The following CACNA1G variants were observed in gnomAD, a reference collection of about 807,000 sequenced individuals.
CACNA1G encodes calcium voltage-gated channel subunit alpha1 G.
A neutral mutation model predicts 219.4 loss-of-function variants in CACNA1G; 67 were observed. The observed-to-expected ratio is 0.31, with a 90% CI of 0.25 to 0.37. The LOEUF (loss-of-function observed/expected upper bound fraction) is 0.37. Among genes scored for constraint, CACNA1G ranks in the 10% least tolerant of loss-of-function variants. CACNA1G has a pLI of 1.00. For synonymous variants in CACNA1G, 1,296 were observed against 1,345.3 expected, an observed-to-expected ratio of 0.96 and a Z score of 0.80; for missense variants, 2,380 against 3,231.4, an observed-to-expected ratio of 0.74 and a Z score of 6.39.
rs537568141 is a variant in CACNA1G, at chr17:50,578,918, C to T, written c.2301+354C>T. On this transcript the variant is annotated intron_variant, in intron 9 of 37. Coordinates refer to ENST00000359106, the MANE Select transcript of CACNA1G (RefSeq NM_018896.5). This position sits in a 1 kb window ranked among gnomAD's most constrained non-coding sequence, Gnocchi z 4.5. ...TTGGGTCTTTGGAGAAGGTGTAGTG[C>T]GGAGGGCGGGTGTTGGAGGTCCTGT... Among the ~76,000 whole-genome samples the T allele has an allele frequency of 5.9e-5, 9 of 151,994 alleles. No individual in the cohort carries two copies. The highest frequency in any genetic ancestry group is 3.9e-4 in the Admixed American group (6 of 15,262).
Position 50,624,047 on chromosome 17 carries a change from G to A in CACNA1G, c.6201G>A (p.Arg2067=). 1 of 1,612,840 alleles carries A rather than the reference G, an allele frequency of 6.2e-7. No homozygotes were observed. Among genetic ancestry groups the A allele is most frequent in the Non-Finnish European group, 8.5e-7 (1 of 1,179,700 alleles). ...GSTAEGPLGH[R]GWGLPKAQSG... is the part of the protein sequence containing the mutation. Reference sequence around the variant, plus strand: ...CTGCCGAGGGGCCCCTGGGACACAGGGGCTGGGGGCTCCCCAAAGCTCAGT... The same window carrying A: ...CTGCCGAGGGGCCCCTGGGACACAGAGGCTGGGGGCTCCCCAAAGCTCAGT... The change falls in exon 36 of 38, where the codon AGG becomes AGA. Residue 2067 remains arginine (R), a synonymous_variant. Transcript: ENST00000359106.
At chr17:50,590,779 C>G (rs549574805) in intron 10 of CACNA1G, among the ~76,000 whole-genome samples, 157 bp downstream of exon 10, 2 of 152,156 alleles carry the variant, frequency 1.3e-5, no homozygotes, top group African/African-American at 4.8e-5. Flanking sequence ...GTGGGGGGCT[C>G]TCTGTGTCCC....
At chr17:50,577,081 G>C (rs984870699) in intron 8 of CACNA1G, among the ~76,000 whole-genome samples, 1 of 152,236 alleles carries the variant, frequency 6.6e-6, no homozygotes, top group Admixed American at 6.5e-5. Context: ...ACGTGGGAAT[G>C]TGGGCTGGGA....
In CACNA1G at chr17:50,603,660, A is replaced by G. The variant is rs944037767; in HGVS notation, c.4169+461A>G. Among the ~76,000 whole-genome samples the G allele has an allele frequency of 6.8e-6, 1 of 146,724 alleles. No homozygotes were observed. Among genetic ancestry groups the G allele is most frequent in the Non-Finnish European group, 1.5e-5 (1 of 67,178 alleles). ...CCGGTGACATTTCTCCTGACCAGGG[A>G]TCCACCCTCTCAGGAATCCCTTTCC... On this transcript the variant is annotated intron_variant, in intron 21 of 37. Transcript: ENST00000359106. The surrounding 1 kb of genome is among the most constrained non-coding windows in gnomAD (Gnocchi z 6.4).
chr17:50,574,335 C>G (rs2040127762), intron 7 of CACNA1G, among the ~76,000 whole-genome samples: 1 of 152,230 alleles, frequency 6.6e-6, no homozygotes, highest in African/African-American at 2.4e-5. Context: ...GGACTAGCTC[C>G]AGAGAGAGAT....
intron 23 of CACNA1G, 27 bp from the exon 24 acceptor site, chr17:50,606,873 A>C (rs1485556303): frequency 3.2e-6 from 5 of 1,567,390 alleles, no homozygotes; most frequent in Non-Finnish European, 4.4e-6. Flanking sequence ...TAGACTTCAA[A>C]TGTCTCCTTC....
chr17:50,582,580 A>G lies in CACNA1G; in HGVS notation c.2301+4016A>G, dbSNP rs1177970409. Reference sequence around the variant, plus strand: ...AGCAGGCTGTCGGAGCTCAGAAAAGAAGTTGCCTTCTCTTCTGTGTCCTGC... The same window carrying G: ...AGCAGGCTGTCGGAGCTCAGAAAAGGAGTTGCCTTCTCTTCTGTGTCCTGC... On this transcript the variant is annotated intron_variant, in intron 9 of 37. Transcript: ENST00000359106. Among the ~76,000 whole-genome samples the G allele has an allele frequency of 2.0e-5, 3 of 152,082 alleles. No homozygotes were observed. The East Asian group carries it at 5.8e-4, about 29-fold the overall frequency.
Position 50,618,969 on chromosome 17 carries a change from C to T in CACNA1G, c.5742C>T (p.His1914=), listed in dbSNP as rs200604758. 54 of 1,552,536 alleles carry T rather than the reference C, an allele frequency of 3.5e-5. No individual in the cohort carries two copies. Among genetic ancestry groups the T allele is most frequent in the Middle Eastern group, 3.6e-4 (2 of 5,526 alleles). Residue 1914 remains histidine (H), a synonymous_variant, in exon 33 of 38, where the codon CAC becomes CAT. Coordinates refer to ENST00000359106, the MANE Select transcript of CACNA1G (RefSeq NM_018896.5). This position sits in a 1 kb window ranked among gnomAD's most constrained non-coding sequence, Gnocchi z 5.3. The part of the protein sequence containing the change: ...PKPGALHPAA[H]ARSASHFSLE... ...CTGGGGCTCTGCACCCAGCGGCCCA[C>T]GCGAGATCAGCCTCCCACTTTTCCC...
chr17:50,584,364 G>A (rs1001632929), intron 9 of CACNA1G, among the ~76,000 whole-genome samples: 1 of 152,020 alleles, frequency 6.6e-6, no homozygotes, highest in African/African-American at 2.4e-5. Context: ...AAGGGGAAGA[G>A]GTGGTTGCTC....
intron 36 of CACNA1G, 29 bp downstream of exon 36, chr17:50,624,104 C>A (rs778304523): frequency 6.2e-7 from 1 of 1,600,758 alleles, no homozygotes; most frequent in South Asian, 1.1e-5. Flanking sequence ...GCCAATTTGG[C>A]TCACACAGGG....
chr17:50,622,263 T>C (rs1262397891), intron 35 of CACNA1G, among the ~76,000 whole-genome samples: 2 of 148,522 alleles, frequency 1.3e-5, no homozygotes, highest in East Asian at 2.1e-4. Flanking sequence ...GCCATGCCCT[T>C]CTTCACTTGG....
intron 26 of CACNA1G, among the ~76,000 whole-genome samples, chr17:50,614,016 G>A (rs1468831557): frequency 6.6e-6 from 1 of 152,244 alleles, no homozygotes; most frequent in Admixed American, 6.5e-5. Context: ...GCCGGGGACT[G>A]TCTGCTCCGT....
Position 50,626,704 on chromosome 17 carries a change from C to T in CACNA1G, c.7087C>T (p.Leu2363=), listed in dbSNP as rs768040047. 3 of 1,613,154 alleles carry T rather than the reference C, an allele frequency of 1.9e-6. No individual in the cohort carries two copies. The highest frequency in any genetic ancestry group is 1.6e-4 in the Middle Eastern group (1 of 6,084). The change falls in exon 38 of 38, where the codon CTG becomes TTG. Residue 2363 remains leucine, a synonymous_variant. Transcript: ENST00000359106. This position sits in a 1 kb window ranked among gnomAD's most constrained non-coding sequence, Gnocchi z 4.3. ...CTCGCCCTCCCCAAAGAAAGATGTGCTGAGTCTCTCCGGTTTATCCTCTGA... is the reference window on the plus strand; with the variant it reads ...CTCGCCCTCCCCAAAGAAAGATGTGTTGAGTCTCTCCGGTTTATCCTCTGA... ...AASPSPKKDV[L]SLSGLSSDPA... is the part of the protein sequence containing the mutation.
chr17:50,570,635 C>T (rs936810285), intron 4 of CACNA1G, among the ~76,000 whole-genome samples: 25 of 147,528 alleles, frequency 1.7e-4, no homozygotes, highest in Non-Finnish European at 3.1e-4. Context: ...AATGTGTCCT[C>T]TGGGGCTCGG....
At chr17:50,595,241 C>T (rs1018910644) in intron 14 of CACNA1G, among the ~76,000 whole-genome samples, 180 bp downstream of exon 14, 6 of 152,206 alleles carry the variant, frequency 3.9e-5, no homozygotes, top group South Asian at 2.1e-4. Context: ...CTTGAGGACA[C>T]GGAAGGGAGG....
Position 50,603,086 on chromosome 17 carries a change from G to A in CACNA1G, c.4056G>A (p.Leu1352=), listed in dbSNP as rs774744129. 21 of 1,613,630 alleles carry A rather than the reference G, an allele frequency of 1.3e-5. No individual in the cohort carries two copies. Among genetic ancestry groups the A allele is most frequent in the East Asian group, 8.9e-5 (4 of 44,864 alleles). The stretch of plus-strand genomic sequence containing the variant: ...GCAGTTGGAACGTGCTGGACGGGCT[G>A]TTGGTGCTCATCTCCGTCATCGACA... ...LRSSWNVLDG[L]LVLISVIDIL... The change falls in exon 21 of 38, where the codon CTG becomes CTA. Residue 1352 remains leucine, a synonymous_variant. Coordinates refer to ENST00000359106, the MANE Select transcript of CACNA1G (RefSeq NM_018896.5). The surrounding 1 kb of genome is among the most constrained non-coding windows in gnomAD (Gnocchi z 6.4).
At chr17:50,588,765 A>T (rs1366862163) in intron 9 of CACNA1G, among the ~76,000 whole-genome samples, 1 of 152,058 alleles carries the variant, frequency 6.6e-6, no homozygotes, top group Non-Finnish European at 1.5e-5. Context: ...GCTGGCCCTG[A>T]CTCTGCCCCC....
chr17:50,576,197 C>A lies in CACNA1G; in HGVS notation c.1795C>A (p.Pro599Thr), dbSNP rs201894362. The A allele has an allele frequency of 1.9e-6, 3 of 1,609,736 alleles. No individual in the cohort carries two copies. Among genetic ancestry groups the A allele is most frequent in the East Asian group, 4.5e-5 (2 of 44,766 alleles). The stretch of plus-strand genomic sequence containing the variant: ...TCCCACCGTGCACACCAGCCCTCCA[C>A]CGGAGACGCTGAAGGAGAAGGCACT... ...VYPTVHTSPP[P>T]ETLKEKALVE... The change falls in exon 8 of 38, where the codon CCG becomes ACG. Residue 599 changes from proline (P) to threonine (T), a missense_variant. This residue lies in a region of CACNA1G where 434 missense variants were observed against 417.3 expected (regional missense o/e 1.04). Transcript: ENST00000359106.
At chr17:50,567,397 G>A (rs984155757) in intron 1 of CACNA1G, among the ~76,000 whole-genome samples, 1 of 152,150 alleles carries the variant, frequency 6.6e-6, no homozygotes, top group African/African-American at 2.4e-5. Flanking sequence ...GCTGTCAGGG[G>A]TTTGAGGGAT....
Sources: gnomAD v4.1 joint callset for allele counts (sites outside exome capture counted in the v4.1 genomes callset) on GRCh38, gnomAD v4.1.1 for gene constraint, gnomAD v4.1.1 regional missense constraint, Gnocchi (gnomAD v3.1) non-coding constraint, MANE v1.5 for transcripts, NCBI Gene and HGNC (gene_info 2026-07-23, HGNC 2026-07-21) for gene names.